DPP10: variants seen among roughly 807,000 people sequenced by gnomAD.
The protein encoded by DPP10 is dipeptidyl peptidase like 10.
A neutral mutation model predicts 120.9 loss-of-function variants in DPP10; 33 were observed. The ratio of observed to expected loss-of-function variants is 0.27; its 90% confidence interval spans 0.21 to 0.37. DPP10 has a LOEUF of 0.37. Ranked by LOEUF, DPP10 falls within the 10% of genes least tolerant of loss-of-function variation. The probability of loss-of-function intolerance (pLI) is 1.00; values close to 1 mark genes in which losing one functional copy is unlikely to be tolerated. For synonymous variants in DPP10, 337 were observed against 326.1 expected (o/e 1.03, Z -0.36); for missense variants, 816 against 942.8 (o/e 0.87, Z 1.76).
rs1344920471 is a variant in DPP10 at position 115,404,931 on chromosome 2, T to C, written c.271+61019T>C. ...GGCAGTACCTCCCAACAGTGCCACA[T>C]TGGGGAACATGGTTCAACATGAGTT... On this transcript the variant is annotated intron_variant, in intron 3 of 25. Coordinates refer to ENST00000410059, the MANE Select transcript of DPP10 (RefSeq NM_020868.6). Among the ~76,000 whole-genome samples the C allele has an allele frequency of 2.6e-5, 4 of 152,220 alleles. No individual in the cohort carries two copies. The East Asian group carries it at 7.7e-4, about 29-fold the overall frequency.
At chr2:114,942,205 G>T (rs1696955119) in intron 1 of DPP10, among the ~76,000 whole-genome samples, 1 of 149,606 alleles carries the variant, frequency 6.7e-6, no homozygotes, top group Non-Finnish European at 1.5e-5. Context: ...CCCGGCAGGT[G>T]GAGCTAGCAG....
At chr2:114,599,042 A>G (rs1015400610) in intron 1 of DPP10, among the ~76,000 whole-genome samples, 1 of 151,942 alleles carries the variant, frequency 6.6e-6, no homozygotes, top group South Asian at 2.1e-4. Context: ...TGCTTGACCT[A>G]AGTATTCAAT....
intron 1 of DPP10, among the ~76,000 whole-genome samples, chr2:115,034,095 C>A (rs1423052370): frequency 6.6e-6 from 1 of 151,570 alleles, no homozygotes; most frequent in East Asian, 1.9e-4. Context: ...CGGGGTTTCA[C>A]CATGTTGGCC....
At chr2:114,586,547 T>C (rs998588934) in intron 1 of DPP10, among the ~76,000 whole-genome samples, 3 of 152,250 alleles carry the variant, frequency 2.0e-5, no homozygotes, top group African/African-American at 4.8e-5. Flanking sequence ...CAGCAGACTT[T>C]AGTTAAGTAC....
intron 1 of DPP10, among the ~76,000 whole-genome samples, chr2:114,601,045 G>A (rs1489279952): frequency 2.0e-5 from 3 of 151,824 alleles, no homozygotes; most frequent in South Asian, 2.1e-4. Context: ...TGTAGCAAAC[G>A]ACTCACATTT....
chr2:115,213,584 AT>A (rs1217897507), intron 1 of DPP10, among the ~76,000 whole-genome samples: 1 of 151,908 alleles, frequency 6.6e-6, no homozygotes, highest in Non-Finnish European at 1.5e-5. Flanking sequence ...TTTCTATGCA[AT>A]TTTGTTTGAG....
At chr2:115,684,508 C>A (rs2090863672) in intron 5 of DPP10, among the ~76,000 whole-genome samples, 2 of 151,956 alleles carry the variant, frequency 1.3e-5, no homozygotes, top group Admixed American at 6.6e-5. Context: ...GACACAGTAG[C>A]TTGCTTTCTC....
chr2:115,168,254 C>T (rs1213880909), intron 1 of DPP10, among the ~76,000 whole-genome samples: 1 of 152,146 alleles, frequency 6.6e-6, no homozygotes, highest in Non-Finnish European at 1.5e-5. Context: ...TTCATACTTG[C>T]TAAGTGACTT....
At chr2:114,549,335 C>T (rs560445355) in intron 1 of DPP10, among the ~76,000 whole-genome samples, 1 of 152,106 alleles carries the variant, frequency 6.6e-6, no homozygotes, top group African/African-American at 2.4e-5. Context: ...AGGCAGCTGA[C>T]TTAAAGCCTC....
intron 3 of DPP10, among the ~76,000 whole-genome samples, chr2:115,376,446 C>A (rs1553568603): frequency 2.0e-5 from 3 of 151,124 alleles, no homozygotes; most frequent in Admixed American, 2.0e-4. Context: ...TTTTTTTTTC[C>A]CTTTCCTTTT....
intron 1 of DPP10, among the ~76,000 whole-genome samples, chr2:115,188,084 A>C (rs1048402243): frequency 3.3e-5 from 5 of 150,960 alleles, no homozygotes; most frequent in East Asian, 3.9e-4. Flanking sequence ...AGAGAGAGAG[A>C]GCGCACTCAG....
At chr2:114,575,626 C>CT (rs1185709331) in intron 1 of DPP10, among the ~76,000 whole-genome samples, 1 of 152,052 alleles carries the variant, frequency 6.6e-6, no homozygotes, top group Admixed American at 6.6e-5. Flanking sequence ...AACTATTCAC[C>CT]TTTTTTTGAT....
intron 1 of DPP10, among the ~76,000 whole-genome samples, chr2:115,237,869 A>C (rs2058077960): frequency 6.6e-6 from 1 of 152,218 alleles, no homozygotes; most frequent in Non-Finnish European, 1.5e-5. Context: ...TGAAGTTAGC[A>C]GAGTTTGGTT....
intron 5 of DPP10, among the ~76,000 whole-genome samples, chr2:115,687,946 G>A (rs891724396): frequency 3.2e-4 from 49 of 151,864 alleles, no homozygotes; most frequent in Non-Finnish European, 3.1e-4. Context: ...TTCCCCCCAC[G>A]ATATCATGAC....
intron 1 of DPP10, among the ~76,000 whole-genome samples, chr2:115,013,072 C>T (rs575381553): frequency 2.6e-4 from 39 of 152,160 alleles, no homozygotes; most frequent in African/African-American, 6.3e-4. Context: ...CATTAGTTGA[C>T]GCAGTTTCTT....
At chr2:115,398,828 T>C (rs2067863045) in intron 3 of DPP10, among the ~76,000 whole-genome samples, 1 of 152,200 alleles carries the variant, frequency 6.6e-6, no homozygotes, top group Admixed American at 6.5e-5. Context: ...ATAAAAGTGC[T>C]ATTTAAAAAG....
intron 1 of DPP10, among the ~76,000 whole-genome samples, chr2:114,688,610 T>C (rs1207252581): frequency 6.6e-6 from 1 of 151,984 alleles, no homozygotes; most frequent in Non-Finnish European, 1.5e-5. Context: ...AAGTTAGAAC[T>C]ACAAAGTACC....
chr2:115,766,326 GTATA>G (rs1553502949), intron 12 of DPP10, among the ~76,000 whole-genome samples: 8 of 50,320 alleles, frequency 1.6e-4, no homozygotes, highest in Middle Eastern at 0.018. Context: ...ATATATATAT[GTATA>G]TATATATGTA....
Position 115,814,895 on chromosome 2 carries a change from C to T in DPP10, c.1803C>T (p.Gly601=), listed in dbSNP as rs1687053259. 11 of 1,611,778 alleles carry T rather than the reference C, an allele frequency of 6.8e-6. No individual in the cohort carries two copies. Among genetic ancestry groups the T allele is most frequent in the African/African-American group, 1.3e-5 (1 of 74,832 alleles). The change falls in exon 20 of 26, where the codon GGC becomes GGT. Residue 601 remains glycine, a synonymous_variant. Transcript: ENST00000410059. ...ATGTCATTGTAGCAAGATTTGATGG[C>T]AGAGGAAGTGGATTCCAGGGTCTGA... ...MDNVIVARFD[G]RGSGFQGLKI...
Sources: gnomAD v4.1 joint callset for allele counts (sites outside exome capture counted in the v4.1 genomes callset) on GRCh38, gnomAD v4.1.1 for gene constraint, MANE v1.5 for transcripts, NCBI Gene and HGNC (gene_info 2026-07-23, HGNC 2026-07-21) for gene names.